SPAG17: variants seen among roughly 807,000 people sequenced by gnomAD.
SPAG17 encodes the protein sperm associated antigen 17.
Under a neutral mutation model 273.6 loss-of-function variants are expected in SPAG17, and 169 were observed. The observed-to-expected ratio is 0.62, with a 90% CI of 0.55 to 0.70. The LOEUF is 0.70. SPAG17 is among the 30% of genes least tolerant of loss of function. SPAG17 has a pLI of 0.00. For missense variants in SPAG17, 2,557 were observed against 2,627.8 expected, an observed-to-expected ratio of 0.97 and a Z score of 0.59; for synonymous variants, 825 against 873.2, an observed-to-expected ratio of 0.94 and a Z score of 0.97.
At chr1:117,997,151 A>G (rs1571189591) in intron 32 of SPAG17, among the ~76,000 whole-genome samples, 1 of 152,114 alleles carries the variant, frequency 6.6e-6, no homozygotes, top group African/African-American at 2.4e-5. Flanking sequence ...CAAACACACA[A>G]TTGTGGCTCA....
chr1:117,993,997 T>C (rs932777044), intron 35 of SPAG17, among the ~76,000 whole-genome samples: 2 of 151,808 alleles, frequency 1.3e-5, no homozygotes, highest in African/African-American at 4.8e-5. Context: ...TTTTAATATA[T>C]GAAGAAAAAA....
At position 118,081,259 on chromosome 1, in the gene SPAG17, T is replaced by A; in HGVS notation, c.2051A>T (p.Asp684Val). The A allele has an allele frequency of 6.2e-7, 1 of 1,614,158 alleles. No individual in the cohort carries two copies. The highest frequency in any genetic ancestry group is 8.5e-7 in the Non-Finnish European group (1 of 1,180,020). Reference protein sequence around the residue: ...VDQNLSMSVQDNESNREPSDP... With the variant: ...VDQNLSMSVQVNESNREPSDP... Reference sequence around the variant, plus strand: ...TGAAGGTTCTCGGTTGCTTTCATTATCTTGCACAGACATTGACAAATTCTG... The same window carrying A: ...TGAAGGTTCTCGGTTGCTTTCATTAACTTGCACAGACATTGACAAATTCTG... Residue 684 changes from aspartate (D) to valine (V), a missense_variant, in exon 15 of 49, where the codon GAT (aspartate) becomes GTT (valine). Physicochemically the swap from Asp to Val is radical, Grantham distance 152. Transcript: ENST00000336338.
chr1:117,972,968 C>A lies in SPAG17; in HGVS notation c.6141+457G>T, dbSNP rs114887968. ...GGTGAAGAAGCAAATGGGGCCTTAT[C>A]CTCATGCTAAGTCATTTGGATTTTA... On this transcript the variant is annotated intron_variant, in intron 44 of 48. Coordinates refer to ENST00000336338, the MANE Select transcript of SPAG17 (RefSeq NM_206996.4). 6.9e-3 allele frequency among the ~76,000 whole-genome samples: 1,043 copies of A among 152,230 alleles called. 8 individuals are homozygous for A. Among genetic ancestry groups the A allele is most frequent in the African/African-American group, 0.024 (998 of 41,528 alleles).
intron 20 of SPAG17, among the ~76,000 whole-genome samples, chr1:118,045,560 A>G (rs1476334791): frequency 1.3e-5 from 2 of 152,194 alleles, no homozygotes; most frequent in African/African-American, 2.4e-5. Flanking sequence ...TCCTTATAAT[A>G]TCTTTTTATA....
At chr1:118,032,990 G>A (rs1264081874) in intron 24 of SPAG17, among the ~76,000 whole-genome samples, 1 of 151,988 alleles carries the variant, frequency 6.6e-6, no homozygotes, top group Non-Finnish European at 1.5e-5. Flanking sequence ...ACATGCTCGG[G>A]CCCCACCTTG....
intron 30 of SPAG17, among the ~76,000 whole-genome samples, chr1:118,010,935 GA>G (rs2101770927): frequency 6.6e-6 from 1 of 152,222 alleles, no homozygotes; most frequent in Admixed American, 6.5e-5. Flanking sequence ...GTTTTCAAAA[GA>G]AGACATAAAC....
chr1:118,093,431 C>T, intron 7 of SPAG17, 114 bp from the exon 8 acceptor site: 3 of 1,029,770 alleles, frequency 2.9e-6, no homozygotes, highest in Non-Finnish European at 2.7e-6. Context: ...GGAAAGCAAA[C>T]CCCTAAATCT....
rs545398793 is a variant in SPAG17 at position 118,131,251 on chromosome 1, C to T, written c.316-15810G>A. Among the ~76,000 whole-genome samples, 239 of 152,280 alleles carry T rather than the reference C, an allele frequency of 1.6e-3. 1 individual carries two copies. Among genetic ancestry groups the T allele is most frequent in the African/African-American group, 5.3e-3 (222 of 41,564 alleles). On this transcript the variant is annotated intron_variant, in intron 3 of 48. Coordinates refer to ENST00000336338, the MANE Select transcript of SPAG17 (RefSeq NM_206996.4). ...CATTTTCTATCACTCCATTTCAGCT[C>T]CACTCCCTTCTTGATGTTCACCAAA...
At chr1:118,145,695 G>T (rs920874217) in intron 3 of SPAG17, among the ~76,000 whole-genome samples, 1 of 151,558 alleles carries the variant, frequency 6.6e-6, no homozygotes, top group African/African-American at 2.4e-5. Context: ...AAAAATATGA[G>T]AATTTTTTTA....
At chr1:117,992,334 A>C in intron 36 of SPAG17, 132 bp downstream of exon 36, 1 of 820,904 alleles carries the variant, frequency 1.2e-6, no homozygotes, top group Admixed American at 3.1e-5. Context: ...CTCTACTCTG[A>C]AAGACTGACA....
At chr1:118,108,374 C>G (rs1398984922) in intron 4 of SPAG17, among the ~76,000 whole-genome samples, 1 of 152,062 alleles carries the variant, frequency 6.6e-6, no homozygotes, top group Non-Finnish European at 1.5e-5. Flanking sequence ...CTGAGTAAAC[C>G]CTTCTCACTT....
chr1:118,048,100 C>T (rs911247865), intron 20 of SPAG17, among the ~76,000 whole-genome samples: 1 of 152,264 alleles, frequency 6.6e-6, no homozygotes, highest in African/African-American at 2.4e-5. Flanking sequence ...ATGCTCCAGG[C>T]TGGTGCCGAA....
chr1:118,025,709 C>A (rs1179314654), intron 26 of SPAG17, among the ~76,000 whole-genome samples: 2 of 152,114 alleles, frequency 1.3e-5, no homozygotes, highest in African/African-American at 4.8e-5. Context: ...CTAGGCGGGT[C>A]TCAAACTCCT....
chr1:118,162,808 T>C (rs925963724), intron 1 of SPAG17, among the ~76,000 whole-genome samples: 6 of 152,214 alleles, frequency 3.9e-5, no homozygotes, highest in African/African-American at 1.4e-4. Context: ...TGTTGAGATA[T>C]ACAGATTTAG....
chr1:117,972,082 A>G (rs1654625029), intron 44 of SPAG17, 35 bp from the exon 45 acceptor site: 2 of 1,546,148 alleles, frequency 1.3e-6, no homozygotes, highest in South Asian at 2.5e-5. Context: ...AAATGGTTCT[A>G]TTTTGAGTTC....
At chr1:118,128,717 G>C (rs1657881746) in intron 3 of SPAG17, among the ~76,000 whole-genome samples, 1 of 152,158 alleles carries the variant, frequency 6.6e-6, no homozygotes, top group African/African-American at 2.4e-5. Flanking sequence ...TGGAGCACTA[G>C]ATGTGTTAAT....
chr1:118,042,769 C>T (rs991146768), intron 20 of SPAG17, among the ~76,000 whole-genome samples: 8 of 152,260 alleles, frequency 5.3e-5, no homozygotes, highest in African/African-American at 1.9e-4. Flanking sequence ...CCAATGGAAT[C>T]CTCTAGTGGG....
rs1659950726 is a variant in SPAG17 at position 118,016,123 on chromosome 1, G to A, written c.4129C>T (p.Pro1377Ser). The A allele has an allele frequency of 6.2e-7, 1 of 1,613,930 alleles. No homozygotes were observed. The change falls in exon 29 of 49, where the codon CCA (proline) becomes TCA (serine). Residue 1377 changes from proline to serine, a missense_variant. Coordinates refer to ENST00000336338, the MANE Select transcript of SPAG17 (RefSeq NM_206996.4). ...GGAGTTACAGTTTGAACTGCCTCTGGAGGAGGGTCATGGATTTCACCCTTA... is the reference window on the plus strand; with the variant it reads ...GGAGTTACAGTTTGAACTGCCTCTGAAGGAGGGTCATGGATTTCACCCTTA... ...AHKGEIHDPP[P>S]EAVQTVTPVE...
chr1:118,090,140 A>T (rs1216659798), intron 10 of SPAG17, among the ~76,000 whole-genome samples: 1 of 152,214 alleles, frequency 6.6e-6, no homozygotes, highest in Non-Finnish European at 1.5e-5. Flanking sequence ...CCTACTTCAT[A>T]GGATTGTTCT....
Sources: gnomAD v4.1 joint callset for allele counts (sites outside exome capture counted in the v4.1 genomes callset) on GRCh38, gnomAD v4.1.1 for gene constraint, MANE v1.5 for transcripts, NCBI Gene and HGNC (gene_info 2026-07-23, HGNC 2026-07-21) for gene names.